ADAMTS18: variants seen among roughly 807,000 people sequenced by gnomAD.
The protein encoded by ADAMTS18 is A disintegrin and metalloproteinase with thrombospondin motifs 18.
In ADAMTS18, 157 loss-of-function variants were observed where a neutral mutation model predicts 165.9. The observed-to-expected ratio is 0.95, with a 90% CI of 0.83 to 1.08. The LOEUF (loss-of-function observed/expected upper bound fraction) is 1.08, where lower values mean the gene tolerates loss of function less well. Among genes scored for constraint, ADAMTS18 ranks in the 50% least tolerant of loss-of-function variants. The pLI, the probability that ADAMTS18 is intolerant of heterozygous loss-of-function variation, is 0.00. For missense variants in ADAMTS18, 2,040 were observed against 1,534.0 expected (o/e 1.33, Z -5.51); for synonymous variants, 782 against 578.2 (o/e 1.35, Z -5.06).
intron 21 of ADAMTS18, chr16:77,290,656 G>A (rs2055344618): frequency 6.1e-6 from 1 of 162,690 alleles, no homozygotes; most frequent in Admixed American, 5.7e-5. Flanking sequence ...ACATCTGCTG[G>A]GTGGAATGCT....
intron 3 of ADAMTS18, among the ~76,000 whole-genome samples, chr16:77,415,084 G>C (rs2057512803): frequency 6.6e-6 from 1 of 152,200 alleles, no homozygotes; most frequent in Non-Finnish European, 1.5e-5. Flanking sequence ...TGCACTGTGA[G>C]GAACAAATAT....
chr16:77,373,207 T>G (rs1420674130), intron 3 of ADAMTS18, among the ~76,000 whole-genome samples: 1 of 152,130 alleles, frequency 6.6e-6, no homozygotes, highest in Non-Finnish European at 1.5e-5. Flanking sequence ...AATTATCCTC[T>G]CAGCCAGGTG....
chr16:77,341,285 A>G (rs2562108), intron 11 of ADAMTS18, among the ~76,000 whole-genome samples: 132,348 of 152,142 alleles, frequency 0.87, 57,888 homozygotes, highest in African/African-American at 0.95. Flanking sequence ...GGGCATGTCA[A>G]AAGCTCAATG....
intron 16 of ADAMTS18, among the ~76,000 whole-genome samples, chr16:77,308,851 A>C (rs2055728936): frequency 6.6e-6 from 1 of 152,224 alleles, no homozygotes; most frequent in Admixed American, 6.5e-5. Flanking sequence ...CAATCACTTG[A>C]AAATTTAATT....
chr16:77,313,113 C>T (rs1354524427), intron 16 of ADAMTS18, among the ~76,000 whole-genome samples: 1 of 18,924 alleles, frequency 5.3e-5, no homozygotes, highest in Non-Finnish European at 1.2e-4. Flanking sequence ...ACTATGCAGC[C>T]ATAAAAAATG....
chr16:77,405,521 T>C (rs943787652), intron 3 of ADAMTS18, among the ~76,000 whole-genome samples: 3 of 152,160 alleles, frequency 2.0e-5, no homozygotes, highest in Admixed American at 6.5e-5. Context: ...TTTTCCTAAG[T>C]GAGAAAGCAG....
chr16:77,421,495 T>TA (rs1480497433), intron 3 of ADAMTS18, among the ~76,000 whole-genome samples: 1 of 152,256 alleles, frequency 6.6e-6, no homozygotes, highest in Non-Finnish European at 1.5e-5. Context: ...CACTTTCTCT[T>TA]AAACTGTTTA....
At chr16:77,411,677 ATTTTTTTTTTT>A (rs34453966) in intron 3 of ADAMTS18, among the ~76,000 whole-genome samples, 1 of 73,860 alleles carries the variant, frequency 1.4e-5, no homozygotes, top group East Asian at 3.2e-4. Context: ...AGTATCCAGA[ATTTTTTTTTTT>A]TTTTTTTTTT....
chr16:77,392,796 A>G (rs1001698964), intron 3 of ADAMTS18, among the ~76,000 whole-genome samples: 1 of 152,184 alleles, frequency 6.6e-6, no homozygotes, highest in Admixed American at 6.6e-5. Flanking sequence ...AAGTGCTAAA[A>G]TTACATCTTT....
chr16:77,330,450 G>C (rs967028552), intron 12 of ADAMTS18, among the ~76,000 whole-genome samples: 2 of 152,166 alleles, frequency 1.3e-5, no homozygotes, highest in African/African-American at 4.8e-5. Context: ...ATGGGGACTT[G>C]AGCAAGAGTT....
chr16:77,289,522 C>T, intron 21 of ADAMTS18, 111 bp from the exon 22 acceptor site: 1 of 1,318,206 alleles, frequency 7.6e-7, no homozygotes, highest in Non-Finnish European at 1.1e-6. Context: ...GCTGATGAAA[C>T]AGATTGGCTG....
intron 10 of ADAMTS18, among the ~76,000 whole-genome samples, chr16:77,344,949 T>C (rs909483762): frequency 6.6e-6 from 1 of 152,124 alleles, no homozygotes; most frequent in Non-Finnish European, 1.5e-5. Flanking sequence ...CCCCTCTTTT[T>C]ACCAGCATAT....
intron 3 of ADAMTS18, among the ~76,000 whole-genome samples, chr16:77,386,018 T>C (rs529824045): frequency 2.0e-5 from 3 of 152,218 alleles, no homozygotes; most frequent in Non-Finnish European, 2.9e-5. Context: ...CTGGCTAGCA[T>C]TTAGTTTTCC....
intron 14 of ADAMTS18, 130 bp downstream of exon 14, chr16:77,322,206 C>A: frequency 1.8e-5 from 13 of 717,312 alleles, no homozygotes; most frequent in Non-Finnish European, 3.1e-5. Context: ...CAGTGAAACA[C>A]TTTGCTCTTT....
Position 77,328,772 on chromosome 16 carries a change from G to A in ADAMTS18, c.1860-2734C>T, listed in dbSNP as rs185139379. Among the ~76,000 whole-genome samples the A allele has an allele frequency of 9.9e-4, 151 of 152,334 alleles. 2 individuals are homozygous for A. The highest frequency in any genetic ancestry group is 3.4e-3 in the African/African-American group (143 of 41,580). On this transcript the variant is annotated intron_variant, in intron 12 of 22. Transcript: ENST00000282849. ...GCTCTATGTAGTTAATGAAGTGAAAGAGGACTGCAAGGTGTTACTTTATCG... is the reference window on the plus strand; with the variant it reads ...GCTCTATGTAGTTAATGAAGTGAAAAAGGACTGCAAGGTGTTACTTTATCG...
chr16:77,293,942 T>C (rs577434386), intron 19 of ADAMTS18, among the ~76,000 whole-genome samples: 1 of 151,472 alleles, frequency 6.6e-6, no homozygotes, highest in East Asian at 1.9e-4. Flanking sequence ...GACCTGGGGG[T>C]TGGGGACCCT....
rs752830579 is a variant in ADAMTS18, at chr16:77,425,705, C to T, written c.495+5590G>A. Among the ~76,000 whole-genome samples, 154 of 152,030 alleles carry T rather than the reference C, an allele frequency of 1.0e-3. 3 individuals carry two copies. Among genetic ancestry groups the T allele is most frequent in the Non-Finnish European group, 3.4e-4 (23 of 68,026 alleles). The stretch of plus-strand genomic sequence containing the variant: ...TAGGAATTGCTCTTTTAGCGTGAAC[C>T]GCAGAACCCTGGTACAAGATGTTGA... On this transcript the variant is annotated intron_variant, in intron 3 of 22. Transcript: ENST00000282849.
rs149947117 is a variant in ADAMTS18, at chr16:77,293,235, C to A, written c.3030G>T (p.Gly1010=). 222 of 1,613,684 alleles carry A rather than the reference C, an allele frequency of 1.4e-4. No homozygotes were observed. Among genetic ancestry groups the A allele is most frequent in the Non-Finnish European group, 1.7e-4 (200 of 1,179,958 alleles). The change falls in exon 20 of 23, where the codon GGG becomes GGT. Residue 1010 remains glycine, a synonymous_variant. Coordinates refer to ENST00000282849, the MANE Select transcript of ADAMTS18 (RefSeq NM_199355.4). ...TGCAGAGGAGTTCACGCTTCCTCACCCCTCGTCCACAGGTCTTGGAACACT... is the reference window on the plus strand; with the variant it reads ...TGCAGAGGAGTTCACGCTTCCTCACACCTCGTCCACAGGTCTTGGAACACT... ...WSQCSKTCGR[G]VRKRELLCKG...
rs1348606827 is a variant in ADAMTS18 at position 77,435,008 on chromosome 16, CGTCT to C, written c.-317_-314del. 1 of 240,460 alleles carries C rather than the reference CGTCT, an allele frequency of 4.2e-6. No homozygotes were observed. The highest frequency in any genetic ancestry group is 7.9e-6 in the Non-Finnish European group (1 of 125,900). 14.9% of individuals were successfully genotyped at this position (240,460 alleles called of 1,614,324 possible). ...GTCGGTGTCTGCCCGCCCGTCTGTG[CGTCT>C]GTCTGTGTCGGTGTGAGCGTCTGAG... On this transcript the variant is annotated 5_prime_UTR_variant, in exon 1 of 23. Coordinates refer to ENST00000282849, the MANE Select transcript of ADAMTS18 (RefSeq NM_199355.4).
Sources: gnomAD v4.1 joint callset for allele counts (sites outside exome capture counted in the v4.1 genomes callset) on GRCh38, gnomAD v4.1.1 for gene constraint, MANE v1.5 for transcripts, NCBI Gene and HGNC (gene_info 2026-07-23, HGNC 2026-07-21) for gene names.